Variants in L3HYPDH observed in about 807,000 individuals in gnomAD.
The protein encoded by L3HYPDH is trans-L-3-hydroxyproline dehydratase, also known as trans-3-hydroxy-L-proline dehydratase.
L3HYPDH carries 32 observed loss-of-function variants against 26.5 expected under a neutral mutation model. The observed-to-expected ratio is 1.21, with a 90% CI of 0.91 to 1.62. The LOEUF (loss-of-function observed/expected upper bound fraction) is 1.62, where lower values mean the gene tolerates loss of function less well. L3HYPDH is among the 40% of genes most tolerant of loss of function. The pLI is 0.00. For synonymous variants in L3HYPDH, 215 were observed against 196.6 expected, an observed-to-expected ratio of 1.09 and a Z score of -0.78; for missense variants, 554 against 476.4, an observed-to-expected ratio of 1.16 and a Z score of -1.52.
At chr14:59,478,414 C>T (rs1238066899) in intron 2 of L3HYPDH, among the ~76,000 whole-genome samples, 1 of 152,088 alleles carries the variant, frequency 6.6e-6, no homozygotes, top group African/African-American at 2.4e-5. Flanking sequence ...AACACACACA[C>T]ACACTCACAC....
At chr14:59,497,347 A>G in the L3HYPDH span, among the ~76,000 whole-genome samples, 1 of 152,212 alleles carries the variant, frequency 6.6e-6, no homozygotes, top group East Asian at 1.9e-4. Context: ...ACATGTAGGC[A>G]GCATGGATTG....
At chr14:59,502,755 T>TGTTTTATTTTCTTTGTTTTTG in the L3HYPDH span, among the ~76,000 whole-genome samples, 2 of 122,918 alleles carry the variant, frequency 1.6e-5, no homozygotes, top group Admixed American at 1.8e-4. Flanking sequence ...ATGAGATTTT[T>TGTTTTATTTTCTTTGTTTTTG]TTTTTTTTTT....
At chr14:59,504,600 AATAG>A in the L3HYPDH span, 1 of 152,812 alleles carries the variant, frequency 6.5e-6, no homozygotes, top group South Asian at 2.1e-4. Context: ...GTATTGCAAA[AATAG>A]ATAATAATTT....
At chr14:59,474,527 CTATAA>C (rs907632177) in intron 4 of L3HYPDH, 1 of 699,980 alleles carries the variant, frequency 1.4e-6, no homozygotes, top group African/African-American at 1.7e-5. Context: ...ATAACAGCTC[CTATAA>C]TATAAAGCCT....
At chr14:59,493,635 T>C in the L3HYPDH span, among the ~76,000 whole-genome samples, 1 of 152,212 alleles carries the variant, frequency 6.6e-6, no homozygotes, top group Non-Finnish European at 1.5e-5. Flanking sequence ...GATAAATATA[T>C]GAAACTATTT....
intron 1 of L3HYPDH, among the ~76,000 whole-genome samples, chr14:59,481,812 C>T (rs1354011787): frequency 6.6e-6 from 1 of 152,166 alleles, no homozygotes; most frequent in African/African-American, 2.4e-5. Flanking sequence ...GCCAGGGTTC[C>T]AACCCTAGTT....
chr14:59,498,540 A>G, the L3HYPDH span, among the ~76,000 whole-genome samples: 1 of 152,206 alleles, frequency 6.6e-6, no homozygotes. Flanking sequence ...TAAGAAAGCA[A>G]CCATTGTACC....
At chr14:59,495,368 C>T in the L3HYPDH span, 1 of 606,978 alleles carries the variant, frequency 1.6e-6, no homozygotes, top group Non-Finnish European at 2.9e-6. Flanking sequence ...AACATGTAAA[C>T]AGCCTCTTGT....
Position 59,475,938 on chromosome 14 carries a change from C to T in L3HYPDH, c.870G>A (p.Leu290=). The change falls in exon 4 of 5, where the codon CTG becomes CTA. Residue 290 remains leucine (L), a synonymous_variant. Coordinates refer to ENST00000247194, the MANE Select transcript of L3HYPDH (RefSeq NM_144581.2). ...TGAAGGCTCTCATCTGGTTCAGTTC[C>T]AGAAGCCCTTTGTGATACTGTAAGG... The part of the protein sequence containing the change: ...RIALQYHKGL[L]ELNQMRAFKS... The T allele has an allele frequency of 6.2e-7, 1 of 1,613,952 alleles. No homozygotes were observed. The highest frequency in any genetic ancestry group is 8.5e-7 in the Non-Finnish European group (1 of 1,179,908).
the L3HYPDH span, chr14:59,495,155 C>T: frequency 6.2e-7 from 1 of 1,613,694 alleles, no homozygotes; most frequent in African/African-American, 1.3e-5. Flanking sequence ...GACTGGTACA[C>T]GATGCTTTAC....
the L3HYPDH span, among the ~76,000 whole-genome samples, chr14:59,503,399 T>C: frequency 6.6e-6 from 1 of 152,218 alleles, no homozygotes; most frequent in African/African-American, 2.4e-5. Context: ...TTCTGCCCCC[T>C]TACTATTCAT....
chr14:59,487,813 A>G, upstream of L3HYPDH: 1 of 1,613,524 alleles, frequency 6.2e-7, no homozygotes. Context: ...ATTGAATGGT[A>G]CTCGGGGAAA....
intron 4 of L3HYPDH, 57 bp downstream of exon 4, chr14:59,475,811 GC>G: frequency 6.7e-7 from 1 of 1,502,638 alleles, no homozygotes; most frequent in Non-Finnish European, 9.0e-7. Flanking sequence ...CCCAACTCAG[GC>G]CTCTCCAGTC....
chr14:59,492,867 G>A, the L3HYPDH span, among the ~76,000 whole-genome samples: 2 of 148,674 alleles, frequency 1.3e-5, no homozygotes, highest in East Asian at 2.0e-4. Flanking sequence ...GTGCGACCTC[G>A]GCTCACTGCA....
chr14:59,488,312 A>G (rs1489082562), upstream of L3HYPDH, among the ~76,000 whole-genome samples: 2 of 152,160 alleles, frequency 1.3e-5, no homozygotes, highest in Non-Finnish European at 2.9e-5. Flanking sequence ...AATAACTGAC[A>G]TGGCTTATAG....
the L3HYPDH span, among the ~76,000 whole-genome samples, chr14:59,502,188 T>C: frequency 6.6e-6 from 1 of 152,188 alleles, no homozygotes; most frequent in Non-Finnish European, 1.5e-5. Context: ...ACTAATATAT[T>C]AGTAACTGTT....
At chr14:59,486,775 G>A, upstream of L3HYPDH, 1 of 1,590,984 alleles carries the variant, frequency 6.3e-7, no homozygotes, top group Non-Finnish European at 8.6e-7. Context: ...ATTTAAAAAT[G>A]GCTCAACTGA....
chr14:59,496,825 G>T, the L3HYPDH span, among the ~76,000 whole-genome samples: 1 of 152,190 alleles, frequency 6.6e-6, no homozygotes, highest in South Asian at 2.1e-4. Flanking sequence ...TGCCTGCCTT[G>T]TTTTATTATT....
At chr14:59,475,634 A>G (rs1049649112) in intron 4 of L3HYPDH, among the ~76,000 whole-genome samples, 1 of 152,068 alleles carries the variant, frequency 6.6e-6, no homozygotes, top group Non-Finnish European at 1.5e-5. Context: ...AAATAATGTC[A>G]TTATTATGAA....
Sources: gnomAD v4.1 joint callset for allele counts (sites outside exome capture counted in the v4.1 genomes callset) on GRCh38, gnomAD v4.1.1 for gene constraint, MANE v1.5 for transcripts, NCBI Gene and HGNC (gene_info 2026-07-23, HGNC 2026-07-21) for gene names.